SBF1: variants seen among roughly 807,000 people sequenced by gnomAD.
SBF1 encodes SET binding factor 1.
In SBF1, 65 loss-of-function variants were observed where a neutral mutation model predicts 215.8. The observed-to-expected ratio is 0.30, with a 90% CI of 0.25 to 0.37. The LOEUF (loss-of-function observed/expected upper bound fraction) is 0.37, where lower values mean the gene tolerates loss of function less well. Among genes scored for constraint, SBF1 ranks in the 10% least tolerant of loss-of-function variants. SBF1 has a pLI of 1.00. For missense variants in SBF1, 2,634 were observed against 2,667.8 expected, an observed-to-expected ratio of 0.99 and a Z score of 0.28; for synonymous variants, 1,410 against 1,122.8, an observed-to-expected ratio of 1.26 and a Z score of -5.11.
chr22:50,465,977 T>A lies in SBF1; in HGVS notation c.995A>T (p.His332Leu). ...GCCCCTCACCATGCTCAGCACACTGTGCGTCTGACTCTGCAGTGGCTCTGG... is the reference window on the plus strand; with the variant it reads ...GCCCCTCACCATGCTCAGCACACTGAGCGTCTGACTCTGCAGTGGCTCTGG... ...PLPEPLQSQT[H>L]SVLSMVLDPE... The change falls in exon 9 of 41, where the codon CAC (histidine) becomes CTC (leucine). Residue 332 changes from histidine to leucine, a missense_variant. His to Leu is a moderately conservative substitution (Grantham distance 99, BLOSUM62 -3). Coordinates refer to ENST00000380817, the MANE Select transcript of SBF1 (RefSeq NM_002972.4). The A allele has an allele frequency of 1.2e-6, 2 of 1,613,942 alleles. No individual in the cohort carries two copies. Among genetic ancestry groups the A allele is most frequent in the South Asian group, 2.2e-5 (2 of 91,078 alleles).
rs1360232609 is a variant in SBF1 at position 50,461,294 on chromosome 22, C to T, written c.2840-8G>A. 5.0e-6 allele frequency: 8 copies of T among 1,596,626 alleles called. No individual in the cohort carries two copies. The highest frequency in any genetic ancestry group is 6.8e-6 in the Non-Finnish European group (8 of 1,171,024). On this transcript the variant is annotated splice_region_variant and splice_polypyrimidine_tract_variant and intron_variant, in intron 22 of 40. Transcript: ENST00000380817. Reference sequence around the variant, plus strand: ...CCACCACCTGCTCCCCAACTTAGGACAGGCCAGGCAGAGTCAGAAGCAAGG... The same window carrying T: ...CCACCACCTGCTCCCCAACTTAGGATAGGCCAGGCAGAGTCAGAAGCAAGG...
chr22:50,467,656 T>G lies in SBF1; in HGVS notation c.314A>C (p.Glu105Ala). ...TTRVEDATER[E>A]EEGDEGGQTH... Reference sequence around the variant, plus strand: ...CTGGCCTCCCTCATCCCCCTCTTCCTCCCTCTCTGTGGCATCCTCCACGCG... The same window carrying G: ...CTGGCCTCCCTCATCCCCCTCTTCCGCCCTCTCTGTGGCATCCTCCACGCG... The change falls in exon 4 of 41, where the codon GAG (glutamate) becomes GCG (alanine). Residue 105 changes from glutamate (E) to alanine (A), a missense_variant. Coordinates refer to ENST00000380817, the MANE Select transcript of SBF1 (RefSeq NM_002972.4). The G allele has an allele frequency of 6.5e-7, 1 of 1,529,780 alleles. No individual in the cohort carries two copies. The highest frequency in any genetic ancestry group is 8.8e-7 in the Non-Finnish European group (1 of 1,131,374). 94.8% of individuals were successfully genotyped at this position (1,529,780 alleles called of 1,614,324 possible).
At chr22:50,464,089 T>C (rs1044069005) in intron 15 of SBF1, among the ~76,000 whole-genome samples, 1 of 152,186 alleles carries the variant, frequency 6.6e-6, no homozygotes, top group African/African-American at 2.4e-5. Context: ...CCTTCTGATT[T>C]CTAAAAATGG....
chr22:50,468,205 A>G (rs1322975095), intron 2 of SBF1, among the ~76,000 whole-genome samples, 171 bp downstream of exon 2: 1 of 152,200 alleles, frequency 6.6e-6, no homozygotes, highest in East Asian at 1.9e-4. Flanking sequence ...TGAGCACCGC[A>G]CAGGCCGCCG....
In SBF1 at chr22:50,461,795, C is replaced by A; in HGVS notation, c.2643+1G>T. ...CCGCAGCCCCAACGGCCCCCGCAAACCTTCTGGATGGGCGGCAGCCTCCGG... is the reference window on the plus strand; with the variant it reads ...CCGCAGCCCCAACGGCCCCCGCAAAACTTCTGGATGGGCGGCAGCCTCCGG... On this transcript the variant is annotated splice_donor_variant, in intron 21 of 40. Coordinates refer to ENST00000380817, the MANE Select transcript of SBF1 (RefSeq NM_002972.4). LOFTEE classifies it high-confidence loss of function. 6.2e-7 allele frequency: 1 copy of A among 1,613,298 alleles called. No homozygotes were observed. Among genetic ancestry groups the A allele is most frequent in the South Asian group, 1.1e-5 (1 of 91,088 alleles).
chr22:50,457,295 A>G, intron 28 of SBF1, 184 bp from the exon 29 acceptor site: 1 of 479,344 alleles, frequency 2.1e-6, no homozygotes. Context: ...CCTCTCTGCC[A>G]GGGCAGGGCA....
In SBF1 at chr22:50,454,887, C is replaced by CA; in HGVS notation, c.4738dup (p.Trp1580LeufsTer44). ...CTTGCTCAGCCGGTCCACATACTCC[C>CA]ACACAGACCTGCACGGCACCTGGCC... On this transcript the variant is annotated frameshift_variant, in exon 35 of 41. Transcript: ENST00000380817. LOFTEE classifies it high-confidence loss of function. 2 of 1,614,126 alleles carry CA rather than the reference C, an allele frequency of 1.2e-6. No homozygotes were observed. Among genetic ancestry groups the CA allele is most frequent in the Non-Finnish European group, 1.7e-6 (2 of 1,180,016 alleles).
rs765096712 is a variant in SBF1 at position 50,459,466 on chromosome 22, G to T, written c.3688+4C>A. ...GCAGGCACAGGGCAGGACGCAGGAG[G>T]TACCTGGAGAAGGTGCGTTCTGGGC... On this transcript the variant is annotated splice_donor_region_variant and intron_variant, in intron 27 of 40. Coordinates refer to ENST00000380817, the MANE Select transcript of SBF1 (RefSeq NM_002972.4). The T allele has an allele frequency of 2.5e-6, 4 of 1,610,976 alleles. No individual in the cohort carries two copies. In the African/African-American group the frequency reaches 5.3e-5, roughly 22 times the overall value.
At chr22:50,458,588 G>A (rs1399106300) in intron 28 of SBF1, among the ~76,000 whole-genome samples, 2 of 152,232 alleles carry the variant, frequency 1.3e-5, no homozygotes, top group African/African-American at 4.8e-5. Context: ...GTGGTATCTG[G>A]AAAAACAAAA....
In SBF1 at chr22:50,462,951, C is replaced by T. The variant is rs556122893; in HGVS notation, c.1900-13G>A. ...GAGAAGTGCAGTCCTGCAGGTAGAG[C>T]GAGAGACCGTCAGGACCTCTCCCCT... is the stretch of plus-strand genomic sequence containing the variant. On this transcript the variant is annotated splice_polypyrimidine_tract_variant and intron_variant, in intron 16 of 40. Transcript: ENST00000380817. The T allele has an allele frequency of 1.4e-5, 23 of 1,608,596 alleles. No homozygotes were observed. The highest frequency in any genetic ancestry group is 1.3e-4 in the African/African-American group (10 of 74,810).
Position 50,468,388 on chromosome 22 carries a change from C to G in SBF1, c.129G>C (p.Gln43His), listed in dbSNP as rs1481570325. The change falls in exon 2 of 41, where the codon CAG (glutamine) becomes CAC (histidine). Residue 43 changes from glutamine (Q) to histidine (H), a missense_variant. Coordinates refer to ENST00000380817, the MANE Select transcript of SBF1 (RefSeq NM_002972.4). ...EKDWEDNPFP[Q>H]GIELFCQPSG... is the part of the protein sequence containing the mutation. ...GCCCCCAACTCACCAGCTCGATGCC[C>G]TGGGGGAATGGGTTGTCCTCCCAGT... 1 of 1,612,978 alleles carries G rather than the reference C, an allele frequency of 6.2e-7. No individual in the cohort carries two copies. Among genetic ancestry groups the G allele is most frequent in the African/African-American group, 1.3e-5 (1 of 74,882 alleles).
rs972263991 is a variant in SBF1, at chr22:50,459,803, A to G, written c.3492-137T>C. The G allele has an allele frequency of 4.6e-6, 6 of 1,296,586 alleles. No individual in the cohort carries two copies. In the Admixed American group the frequency reaches 1.4e-4, roughly 30 times the overall value. 80.3% of individuals were successfully genotyped at this position (1,296,586 alleles called of 1,614,324 possible). A position where few individuals can be genotyped will look rare whatever the true frequency, so the allele number is the denominator to read the frequency against. The stretch of plus-strand genomic sequence containing the variant: ...AGCTCAGCCACGGGGCCCCCCAGCC[A>G]CCCCCCAGCCCTGTGGCCCGTCCCT... On this transcript the variant is annotated intron_variant, in intron 26 of 40. Coordinates refer to ENST00000380817, the MANE Select transcript of SBF1 (RefSeq NM_002972.4).
intron 22 of SBF1, 104 bp downstream of exon 22, chr22:50,461,419 C>T: frequency 6.7e-7 from 1 of 1,491,178 alleles, no homozygotes; most frequent in African/African-American, 1.4e-5. Context: ...TTCCCACGGG[C>T]ACCCAGAACC....
Position 50,447,400 on chromosome 22 carries a change from C to G in SBF1, c.5505G>C (p.Leu1835Phe). The G allele has an allele frequency of 1.2e-6, 2 of 1,614,030 alleles. No homozygotes were observed. The highest frequency in any genetic ancestry group is 1.7e-6 in the Non-Finnish European group (2 of 1,179,972). ...CAGGTGCCACAGCCTCCACCTCCGC[C>G]AAGTCGATGACACCCTTGCACTCTG... is the stretch of plus-strand genomic sequence containing the variant. ...VDTECKGVID[L>F]AEVEAVAPGT... is the part of the protein sequence containing the mutation. Residue 1835 changes from leucine (L) to phenylalanine (F), a missense_variant, in exon 40 of 41, where the codon TTG becomes TTC. By Grantham distance (22) the Leu-to-Phe change is conservative. Transcript: ENST00000380817.
In SBF1 at chr22:50,463,384, A is replaced by G. The variant is rs774675728; in HGVS notation, c.1798T>C (p.Cys600Arg). 2 of 1,597,310 alleles carry G rather than the reference A, an allele frequency of 1.3e-6. No homozygotes were observed. The highest frequency in any genetic ancestry group is 1.7e-6 in the Non-Finnish European group (2 of 1,171,216). The stretch of plus-strand genomic sequence containing the variant: ...TGCAGGTGCAGCTCCTGGGCGAGGC[A>G]GCGGCGGGCAGCTCGCCCCTTCAGG... ...RALKGRAARR[C>R]LAQELHLHVQ... The change falls in exon 16 of 41, where the codon TGC (cysteine) becomes CGC (arginine). Residue 600 changes from cysteine (C) to arginine (R), a missense_variant. Coordinates refer to ENST00000380817, the MANE Select transcript of SBF1 (RefSeq NM_002972.4).
chr22:50,455,708 C>T (rs2067219921), intron 31 of SBF1, 126 bp from the exon 32 acceptor site: 1 of 758,766 alleles, frequency 1.3e-6, no homozygotes, highest in South Asian at 1.7e-5. Context: ...CCCCCCAAGC[C>T]CTGTATGCGG....
chr22:50,466,434 T>G lies in SBF1; in HGVS notation c.704A>C (p.Lys235Thr). ...SLFCAALTEH[K>T]VLFLSRSYQR... is the part of the protein sequence containing the mutation. ...GTAGCTCCGGGACAGGAAGAGAACC[T>G]TGTGCTCCGTGAGGGCGGCACAGAA... The change falls in exon 7 of 41, where the codon AAG (lysine) becomes ACG (threonine). Residue 235 changes from lysine (K) to threonine (T), a missense_variant. Transcript: ENST00000380817. 1.3e-6 allele frequency: 2 copies of G among 1,552,474 alleles called. No individual in the cohort carries two copies. Among genetic ancestry groups the G allele is most frequent in the Non-Finnish European group, 1.7e-6 (2 of 1,147,440 alleles).
chr22:50,463,201 TCTCA>T lies in SBF1; in HGVS notation c.1899+78_1899+81del, dbSNP rs1234945446. On this transcript the variant is annotated intron_variant, in intron 16 of 40. Transcript: ENST00000380817. ...GGAGTCTCTTGCACCGTCTCTCCAC[TCTCA>T]CTCACAGACCAGGGTCTGCCCGCCT... The T allele has an allele frequency of 4.5e-6, 7 of 1,553,850 alleles. No homozygotes were observed. In the African/African-American group the frequency reaches 9.5e-5, roughly 21 times the overall value.
At position 50,459,941 on chromosome 22, in the gene SBF1, C is replaced by A. The variant is rs775571264; in HGVS notation, c.3491+11G>T. The stretch of plus-strand genomic sequence containing the variant: ...TGTCCACCACCCGGGCCAGCCCTGG[C>A]CGGCCCTCACCTGCGGCAGATGGCA... On this transcript the variant is annotated intron_variant, in intron 26 of 40. Transcript: ENST00000380817. The A allele has an allele frequency of 6.2e-7, 1 of 1,613,322 alleles. No individual in the cohort carries two copies. Among genetic ancestry groups the A allele is most frequent in the Non-Finnish European group, 8.5e-7 (1 of 1,179,772 alleles).
Sources: allele counts gnomAD v4.1 joint callset (sites outside exome capture counted in the v4.1 genomes callset), GRCh38; gene constraint gnomAD v4.1.1; transcripts MANE v1.5; gene names NCBI Gene and HGNC (gene_info 2026-07-23, HGNC 2026-07-21).